The following RNF150 variants were observed in gnomAD, a reference collection of about 807,000 sequenced individuals.
RNF150 encodes ring finger protein 150.
Under a neutral mutation model 39.3 loss-of-function variants are expected in RNF150, and 24 were observed. The observed-to-expected ratio is 0.61, with a 90% CI of 0.44 to 0.86. The LOEUF is 0.86. Among genes scored for constraint, RNF150 ranks in the 40% least tolerant of loss-of-function variants. The pLI, the probability that RNF150 is intolerant of heterozygous loss-of-function variation, is 0.00. For synonymous variants in RNF150, 255 were observed against 227.3 expected (o/e 1.12, Z -1.10); for missense variants, 502 against 587.8 (o/e 0.85, Z 1.51).
chr4:140,902,649 T>C (rs898138079), intron 6 of RNF150, among the ~76,000 whole-genome samples: 1 of 152,248 alleles, frequency 6.6e-6, no homozygotes, highest in Non-Finnish European at 1.5e-5. Context: ...TAACATGCTA[T>C]CATAGCTATT....
intron 1 of RNF150, among the ~76,000 whole-genome samples, chr4:141,109,412 A>C (rs370930526): frequency 2.0e-5 from 3 of 152,012 alleles, no homozygotes; most frequent in African/African-American, 7.2e-5. Flanking sequence ...TCCTGCCTTC[A>C]TATCATTTTA....
chr4:140,956,963 C>T (rs536140359), intron 2 of RNF150, among the ~76,000 whole-genome samples: 23 of 150,520 alleles, frequency 1.5e-4, no homozygotes, highest in African/African-American at 5.6e-4. Context: ...TAGAAGAAAA[C>T]CTAGGCATTA....
At chr4:141,065,263 T>C (rs1352844853) in intron 1 of RNF150, among the ~76,000 whole-genome samples, 1 of 152,164 alleles carries the variant, frequency 6.6e-6, no homozygotes, top group Non-Finnish European at 1.5e-5. Context: ...ACGTCCTGGG[T>C]TACTATCTAA....
intron 1 of RNF150, among the ~76,000 whole-genome samples, chr4:141,070,004 A>C (rs1456700882): frequency 6.6e-6 from 1 of 152,140 alleles, no homozygotes; most frequent in African/African-American, 2.4e-5. Context: ...CCTTTCAAAA[A>C]AACCAGCTCC....
intron 6 of RNF150, among the ~76,000 whole-genome samples, chr4:140,889,854 G>A (rs1407542900): frequency 2.6e-5 from 4 of 152,112 alleles, no homozygotes; most frequent in Non-Finnish European, 5.9e-5. Flanking sequence ...TCAATAGGAT[G>A]TAATCTCCAT....
At chr4:141,041,844 T>C (rs965182337) in intron 1 of RNF150, among the ~76,000 whole-genome samples, 2 of 152,078 alleles carry the variant, frequency 1.3e-5, no homozygotes, top group African/African-American at 4.8e-5. Flanking sequence ...TCTACAAAGC[T>C]ACCATGAACG....
At chr4:141,003,876 A>G (rs1042343034) in intron 1 of RNF150, among the ~76,000 whole-genome samples, 1 of 152,112 alleles carries the variant, frequency 6.6e-6, no homozygotes, top group Admixed American at 6.6e-5. Flanking sequence ...GACTTGGACC[A>G]TCTGAATAGT....
At chr4:141,123,724 C>A (rs544791126) in intron 1 of RNF150, among the ~76,000 whole-genome samples, 1 of 152,164 alleles carries the variant, frequency 6.6e-6, no homozygotes, top group Non-Finnish European at 1.5e-5. Flanking sequence ...ACAACAGGCC[C>A]TGGTGTGTGG....
intron 4 of RNF150, among the ~76,000 whole-genome samples, chr4:140,946,406 T>A (rs2111369401): frequency 6.6e-6 from 1 of 152,372 alleles, no homozygotes; most frequent in East Asian, 1.9e-4. Context: ...TTACATTGTT[T>A]CATGAATATG....
chr4:140,907,966 C>A (rs941286457), intron 6 of RNF150, among the ~76,000 whole-genome samples: 3 of 152,122 alleles, frequency 2.0e-5, no homozygotes, highest in African/African-American at 7.2e-5. Flanking sequence ...TTATTTCTTC[C>A]TTTTTTGGTA....
rs544515533 is a variant in RNF150, at chr4:140,916,733, G to A, written c.988-5379C>T. ...CTCAAGAAGAGCAACTCCAAGACAC[G>A]TAATTGTCAGATTCACCAAAGTTGA... On this transcript the variant is annotated intron_variant, in intron 5 of 6. Coordinates refer to ENST00000515673, the MANE Select transcript of RNF150 (RefSeq NM_020724.2). Among the ~76,000 whole-genome samples, 25 of 152,022 alleles carry A rather than the reference G, an allele frequency of 1.6e-4. No individual in the cohort carries two copies. The South Asian group carries it at 2.5e-3, about 15-fold the overall frequency.
intron 1 of RNF150, among the ~76,000 whole-genome samples, chr4:141,014,375 G>A (rs1162856172): frequency 6.6e-6 from 1 of 152,152 alleles, no homozygotes; most frequent in African/African-American, 2.4e-5. Context: ...GGGTTACCGA[G>A]TCACATAGTG....
chr4:140,994,538 G>A (rs1734299819), intron 1 of RNF150, among the ~76,000 whole-genome samples: 1 of 152,078 alleles, frequency 6.6e-6, no homozygotes. Context: ...CCAAAGCCAG[G>A]GGCTAATATT....
chr4:140,883,674 G>A (rs557069897), intron 6 of RNF150, among the ~76,000 whole-genome samples: 140 of 152,230 alleles, frequency 9.2e-4, no homozygotes, highest in Middle Eastern at 3.4e-3. Flanking sequence ...CCTTGTGTGT[G>A]ATAAGCTAAT....
intron 1 of RNF150, among the ~76,000 whole-genome samples, chr4:141,116,170 C>T (rs1395061780): frequency 1.3e-5 from 2 of 152,150 alleles, no homozygotes; most frequent in Non-Finnish European, 2.9e-5. Flanking sequence ...AGAGTTTCTG[C>T]ACAGTAAAAG....
At chr4:140,904,576 G>A (rs568594386) in intron 6 of RNF150, among the ~76,000 whole-genome samples, 37 of 152,308 alleles carry the variant, frequency 2.4e-4, no homozygotes, top group African/African-American at 8.7e-4. Flanking sequence ...TACTGGAATG[G>A]TTGATCTAAA....
At chr4:141,028,058 A>G (rs1250025440) in intron 1 of RNF150, among the ~76,000 whole-genome samples, 1 of 149,192 alleles carries the variant, frequency 6.7e-6, no homozygotes, top group East Asian at 2.0e-4. Flanking sequence ...ATACTCTGCT[A>G]CTGATGGAAA....
chr4:141,000,041 G>GAAAAGAAGAAAAGAAGAA (rs879446289), intron 1 of RNF150, among the ~76,000 whole-genome samples: 10 of 63,414 alleles, frequency 1.6e-4, no homozygotes, highest in Non-Finnish European at 3.6e-4. Flanking sequence ...AGAAGAAGAA[G>GAAAAGAAGAAAAGAAGAA]AAGAAGAAGA....
intron 6 of RNF150, among the ~76,000 whole-genome samples, chr4:140,895,433 G>A (rs1439383224): frequency 6.6e-6 from 1 of 152,104 alleles, no homozygotes; most frequent in African/African-American, 2.4e-5. Flanking sequence ...TGTCTCTGTA[G>A]GAAATTAGCC....
Sources: gnomAD v4.1 joint callset for allele counts (sites outside exome capture counted in the v4.1 genomes callset) on GRCh38, gnomAD v4.1.1 for gene constraint, MANE v1.5 for transcripts, NCBI Gene and HGNC (gene_info 2026-07-23, HGNC 2026-07-21) for gene names.